The following VSTM4 variants were observed in gnomAD, a reference collection of about 807,000 sequenced individuals.
The protein encoded by VSTM4 is V-set and transmembrane domain-containing protein 4.
VSTM4 carries 20 observed loss-of-function variants against 36.4 expected under a neutral mutation model. The observed-to-expected ratio is 0.55, with a 90% CI of 0.39 to 0.80. The LOEUF is 0.80. Among genes scored for constraint, VSTM4 ranks in the 30% least tolerant of loss-of-function variants. The probability of loss-of-function intolerance (pLI) is 0.00; values close to 1 mark genes in which losing one functional copy is unlikely to be tolerated. For synonymous variants in VSTM4, 182 were observed against 173.9 expected (o/e 1.05, Z -0.37); for missense variants, 392 against 404.5 (o/e 0.97, Z 0.26).
In VSTM4 at chr10:49,018,507, T is replaced by C. The variant is rs767961993; in HGVS notation, c.*1143A>G. ...CCACTACATAGTCAAACAATTTCTA[T>C]AGTGGGCAGTAAATAGCCACCCAGA... On this transcript the variant is annotated 3_prime_UTR_variant, in exon 8 of 8. Coordinates refer to ENST00000332853, the MANE Select transcript of VSTM4 (RefSeq NM_001031746.5). 3.3e-5 allele frequency: 5 copies of C among 152,304 alleles called. No individual in the cohort carries two copies. The highest frequency in any genetic ancestry group is 2.1e-4 in the South Asian group (1 of 4,828). The allele number at this position is 152,304 out of a possible 1,614,324, so 9.4% of individuals were successfully genotyped here. A position where few individuals can be genotyped will look rare whatever the true frequency, so the allele number is the denominator to read the frequency against.
At chr10:49,072,155 G>A (rs1359931274) in intron 4 of VSTM4, among the ~76,000 whole-genome samples, 1 of 152,200 alleles carries the variant, frequency 6.6e-6, no homozygotes, top group East Asian at 1.9e-4. Context: ...GAGAGCCATG[G>A]CCACCTTCAG....
At chr10:49,022,011 A>G (rs545718242) in intron 7 of VSTM4, among the ~76,000 whole-genome samples, 37 of 152,318 alleles carry the variant, frequency 2.4e-4, no homozygotes, top group African/African-American at 6.3e-4. Context: ...CACATTAACC[A>G]TGGCTCTTTC....
At chr10:49,069,002 C>T (rs1844024179) in intron 4 of VSTM4, among the ~76,000 whole-genome samples, 1 of 152,104 alleles carries the variant, frequency 6.6e-6, no homozygotes, top group Non-Finnish European at 1.5e-5. Flanking sequence ...AAGAAGCAGG[C>T]CCTGGGCCAC....
At chr10:49,058,647 T>C (rs1843823395) in intron 5 of VSTM4, among the ~76,000 whole-genome samples, 1 of 151,866 alleles carries the variant, frequency 6.6e-6, no homozygotes. Flanking sequence ...ACATTCAAGA[T>C]GAGATTTATT....
In VSTM4 at chr10:49,014,408, C is replaced by T. The variant is rs1021458477; in HGVS notation, c.*5242G>A. The T allele has an allele frequency of 1.3e-5, 2 of 152,194 alleles. No individual in the cohort carries two copies. The highest frequency in any genetic ancestry group is 4.8e-5 in the African/African-American group (2 of 41,434). The allele number at this position is 152,194 out of a possible 1,614,324, so 9.4% of individuals were successfully genotyped here. On this transcript the variant is annotated 3_prime_UTR_variant, in exon 8 of 8. Transcript: ENST00000332853. ...AGCATTGTGTTTATTAGAAATTGGG[C>T]ACCAAGTCGTCTTTCACCAGTGACA... is the stretch of plus-strand genomic sequence containing the variant.
At chr10:49,057,065 A>G (rs1441090932) in intron 5 of VSTM4, among the ~76,000 whole-genome samples, 1 of 151,988 alleles carries the variant, frequency 6.6e-6, no homozygotes, top group East Asian at 1.9e-4. Flanking sequence ...TCTCGTGTGA[A>G]TTCATCAGGT....
intron 5 of VSTM4, among the ~76,000 whole-genome samples, chr10:49,057,095 A>G (rs999832261): frequency 6.6e-6 from 1 of 152,086 alleles, no homozygotes; most frequent in Non-Finnish European, 1.5e-5. Flanking sequence ...CATTCATTAC[A>G]AGGACAGACC....
Position 49,018,247 on chromosome 10 carries a change from C to G in VSTM4, c.*1403G>C, listed in dbSNP as rs1276217561. 1 of 152,192 alleles carries G rather than the reference C, an allele frequency of 6.6e-6. No homozygotes were observed. The highest frequency in any genetic ancestry group is 1.9e-4 in the East Asian group (1 of 5,198). 9.4% of individuals were successfully genotyped at this position (152,192 alleles called of 1,614,324 possible). ...TTTTGAAAATGCAGACTGGCTTTAG[C>G]ATGAATGTCAACACAGAGCATTTGT... On this transcript the variant is annotated 3_prime_UTR_variant, in exon 8 of 8. Transcript: ENST00000332853.
chr10:49,079,927 T>C (rs1487116295), intron 3 of VSTM4, among the ~76,000 whole-genome samples: 2 of 152,098 alleles, frequency 1.3e-5, no homozygotes, highest in Non-Finnish European at 2.9e-5. Context: ...TTCACATCTT[T>C]TTTCAATTTC....
intron 3 of VSTM4, among the ~76,000 whole-genome samples, chr10:49,081,379 G>T (rs1844275697): frequency 6.6e-6 from 1 of 152,214 alleles, no homozygotes; most frequent in Non-Finnish European, 1.5e-5. Context: ...GAGAAAAATT[G>T]TCTTACAAAA....
chr10:49,080,709 TAAG>T (rs1385424984), intron 3 of VSTM4, among the ~76,000 whole-genome samples: 3 of 152,118 alleles, frequency 2.0e-5, no homozygotes, highest in Non-Finnish European at 4.4e-5. Flanking sequence ...GAAAGCACTG[TAAG>T]AAGGATGCCT....
chr10:49,054,368 T>C (rs1843743370), intron 5 of VSTM4, among the ~76,000 whole-genome samples: 1 of 152,258 alleles, frequency 6.6e-6, no homozygotes, highest in African/African-American at 2.4e-5. Flanking sequence ...CACAGCACTG[T>C]TGCAGCTGCT....
intron 5 of VSTM4, among the ~76,000 whole-genome samples, chr10:49,050,758 A>G (rs958378956): frequency 6.6e-6 from 1 of 152,250 alleles, no homozygotes; most frequent in Non-Finnish European, 1.5e-5. Context: ...TCCAATATAA[A>G]ATAATGCATG....
chr10:49,043,275 A>G (rs1055962514), intron 7 of VSTM4, among the ~76,000 whole-genome samples: 2 of 152,244 alleles, frequency 1.3e-5, no homozygotes, highest in Non-Finnish European at 2.9e-5. Flanking sequence ...AATAATTGCT[A>G]TATTGATTAC....
intron 5 of VSTM4, among the ~76,000 whole-genome samples, chr10:49,056,026 C>T (rs1452552964): frequency 6.6e-6 from 1 of 152,264 alleles, no homozygotes; most frequent in Non-Finnish European, 1.5e-5. Context: ...GTGCTCTCTG[C>T]TGCATCTGCT....
rs117727103 is a variant in VSTM4 at position 49,053,558 on chromosome 10, G to A, written c.669-4974C>T. Among the ~76,000 whole-genome samples the A allele has an allele frequency of 5.9e-3, 900 of 152,338 alleles. 3 individuals carry two copies. The highest frequency in any genetic ancestry group is 7.5e-3 in the Non-Finnish European group (513 of 68,022). On this transcript the variant is annotated intron_variant, in intron 5 of 7. Coordinates refer to ENST00000332853, the MANE Select transcript of VSTM4 (RefSeq NM_001031746.5). The stretch of plus-strand genomic sequence containing the variant: ...TCTTGCAAAGTTATGAGGGTCAGAT[G>A]AGAGAGCATAGCCTAAATTAGATGG...
At chr10:49,067,164 T>C (rs1843988012) in intron 4 of VSTM4, among the ~76,000 whole-genome samples, 1 of 152,194 alleles carries the variant, frequency 6.6e-6, no homozygotes, top group African/African-American at 2.4e-5. Context: ...TTCGCAACAA[T>C]TTACATTTAT....
rs149561958 is a variant in VSTM4 at position 49,052,313 on chromosome 10, A to G, written c.669-3729T>C. On this transcript the variant is annotated intron_variant, in intron 5 of 7. Coordinates refer to ENST00000332853, the MANE Select transcript of VSTM4 (RefSeq NM_001031746.5). ...TTAAAATGACTCATTTAATGAAGAAAAAGCTGATTCCTTTTTGATTTGCAT... is the reference window on the plus strand; with the variant it reads ...TTAAAATGACTCATTTAATGAAGAAGAAGCTGATTCCTTTTTGATTTGCAT... 3.6e-3 allele frequency among the ~76,000 whole-genome samples: 554 copies of G among 152,326 alleles called. 4 individuals carry two copies. The highest frequency in any genetic ancestry group is 6.8e-3 in the Middle Eastern group (2 of 294).
chr10:49,067,011 A>C (rs779905503), intron 4 of VSTM4, among the ~76,000 whole-genome samples: 3 of 152,202 alleles, frequency 2.0e-5, no homozygotes, highest in Non-Finnish European at 4.4e-5. Context: ...TCTAACAGTT[A>C]AAACTTGTTT....
Sources: gnomAD v4.1 joint callset for allele counts (sites outside exome capture counted in the v4.1 genomes callset) on GRCh38, gnomAD v4.1.1 for gene constraint, MANE v1.5 for transcripts, NCBI Gene and HGNC (gene_info 2026-07-23, HGNC 2026-07-21) for gene names.